The following MYDGF variants were observed in gnomAD, a reference collection of about 807,000 sequenced individuals.
The protein encoded by MYDGF is myeloid-derived growth factor.
MYDGF carries 29 observed loss-of-function variants against 24.2 expected under a neutral mutation model. The observed-to-expected ratio is 1.20, with a 90% confidence interval of 0.89 to 1.63. The LOEUF (loss-of-function observed/expected upper bound fraction) is 1.63. Ranked by LOEUF, MYDGF falls within the 40% of genes most tolerant of loss-of-function variation. The pLI is 0.00. For synonymous variants in MYDGF, 105 were observed against 102.5 expected, an observed-to-expected ratio of 1.02 and a Z score of -0.15; for missense variants, 245 against 234.8, an observed-to-expected ratio of 1.04 and a Z score of -0.29.
chr19:4,663,547 T>TGC lies in MYDGF; in HGVS notation c.287+1328_287+1329insGC, dbSNP rs1257494065. ...CTCATTCTACACAGCCTCCAATCTA[T>TGC]CCTCCCCACCCACCCCACCCTCATT... On this transcript the variant is annotated intron_variant, in intron 3 of 5. Coordinates refer to ENST00000262947, the MANE Select transcript of MYDGF (RefSeq NM_019107.4). Among the ~76,000 whole-genome samples the TGC allele has an allele frequency of 9.8e-4, 4 of 4,062 alleles. 1 individual carries two copies. Among genetic ancestry groups the TGC allele is most frequent in the African/African-American group, 1.2e-3 (1 of 858 alleles). 2.7% of individuals were successfully genotyped at this position (4,062 alleles called of 152,430 possible). A position where few individuals can be genotyped will look rare whatever the true frequency, so the allele number is the denominator to read the frequency against.
intron 5 of MYDGF, among the ~76,000 whole-genome samples, chr19:4,659,514 G>A (rs1471253983): frequency 3.3e-5 from 5 of 151,898 alleles, no homozygotes; most frequent in Admixed American, 1.3e-4. Flanking sequence ...GTGAGCCACC[G>A]CACCCAGCCT....
chr19:4,663,993 G>A (rs959921682), intron 3 of MYDGF, among the ~76,000 whole-genome samples: 1 of 151,736 alleles, frequency 6.6e-6, no homozygotes, highest in African/African-American at 2.4e-5. Flanking sequence ...GACTCAGCCA[G>A]GAAAAGAAAT....
chr19:4,670,131 T>C, intron 1 of MYDGF, 30 bp downstream of exon 1: 3 of 1,454,186 alleles, frequency 2.1e-6, no homozygotes, highest in South Asian at 1.4e-5. Context: ...CTGCCAGCAC[T>C]CAAATATCCG....
intron 3 of MYDGF, among the ~76,000 whole-genome samples, chr19:4,663,374 C>T (rs1425279514): frequency 1.4e-5 from 2 of 144,376 alleles, no homozygotes; most frequent in Non-Finnish European, 1.5e-5. Context: ...ATCTACTCTC[C>T]CCACCTACCC....
intron 2 of MYDGF, 45 bp from the exon 3 acceptor site, chr19:4,664,982 C>T (rs1256386309): frequency 4.4e-6 from 7 of 1,592,504 alleles, no homozygotes; most frequent in African/African-American, 2.7e-5. Context: ...CACACAGCTG[C>T]TCTCGGAGAC....
At chr19:4,666,921 C>T (rs2088525702) in intron 2 of MYDGF, among the ~76,000 whole-genome samples, 1 of 152,106 alleles carries the variant, frequency 6.6e-6, no homozygotes, top group Non-Finnish European at 1.5e-5. Context: ...GGGCTAGGCT[C>T]TTACTGGTAG....
intron 5 of MYDGF, among the ~76,000 whole-genome samples, chr19:4,658,303 C>T (rs532291834): frequency 6.6e-6 from 1 of 152,262 alleles, no homozygotes; most frequent in East Asian, 1.9e-4. Flanking sequence ...ACATAGATGG[C>T]AGGCAGCAGG....
At chr19:4,658,382 G>T (rs1239768804) in intron 5 of MYDGF, among the ~76,000 whole-genome samples, 1 of 152,184 alleles carries the variant, frequency 6.6e-6, no homozygotes, top group Admixed American at 6.5e-5. Flanking sequence ...AAGAGATGCA[G>T]AAAGGGGCCA....
At chr19:4,663,564 A>G (rs1382705300) in intron 3 of MYDGF, among the ~76,000 whole-genome samples, 2 of 1,688 alleles carry the variant, frequency 1.2e-3, no homozygotes, top group Admixed American at 8.5e-3. Flanking sequence ...CACCCACCCC[A>G]CCCTCATTCT....
chr19:4,669,957 T>C lies in MYDGF; in HGVS notation c.174+204A>G, dbSNP rs983300394. 7.9e-5 allele frequency among the ~76,000 whole-genome samples: 12 copies of C among 151,440 alleles called. No homozygotes were observed. The East Asian group carries it at 2.3e-3, about 30-fold the overall frequency. On this transcript the variant is annotated intron_variant, in intron 1 of 5. Coordinates refer to ENST00000262947, the MANE Select transcript of MYDGF (RefSeq NM_019107.4). Reference sequence around the variant, plus strand: ...CCGGGGCCCACAAGGCCCCGCTCCCTATGAGTTCAGTCCTGCCCCAGTGAT... The same window carrying C: ...CCGGGGCCCACAAGGCCCCGCTCCCCATGAGTTCAGTCCTGCCCCAGTGAT...
At chr19:4,669,451 A>AAAC (rs747304109) in intron 1 of MYDGF, among the ~76,000 whole-genome samples, 8 of 152,090 alleles carry the variant, frequency 5.3e-5, no homozygotes, top group Non-Finnish European at 7.4e-5. Context: ...GCTCCATCTC[A>AAAC]AACAACAACA....
chr19:4,661,533 G>C (rs573097175), intron 3 of MYDGF, among the ~76,000 whole-genome samples: 1 of 152,264 alleles, frequency 6.6e-6, no homozygotes, highest in African/African-American at 2.4e-5. Flanking sequence ...GCTGCTAACG[G>C]AGGCTTCTAA....
intron 5 of MYDGF, 145 bp downstream of exon 5, chr19:4,659,786 A>C: frequency 1.4e-6 from 1 of 720,326 alleles, no homozygotes. Context: ...GATATTGACG[A>C]GGTGGCCTTT....
intron 3 of MYDGF, among the ~76,000 whole-genome samples, chr19:4,664,451 C>T (rs1221567375): frequency 6.7e-6 from 1 of 148,758 alleles, no homozygotes; most frequent in African/African-American, 2.5e-5. Context: ...GATTGCTCCA[C>T]TGCACTACAG....
chr19:4,668,748 G>A lies in MYDGF; in HGVS notation c.175-103C>T, dbSNP rs895338117. 7 of 938,782 alleles carry A rather than the reference G, an allele frequency of 7.5e-6. No individual in the cohort carries two copies. The African/African-American group carries it at 9.8e-5, about 13-fold the overall frequency. The allele number at this position is 938,782 out of a possible 1,614,324, so 58.2% of individuals were successfully genotyped here. A position where few individuals can be genotyped will look rare whatever the true frequency, so the allele number is the denominator to read the frequency against. On this transcript the variant is annotated intron_variant, in intron 1 of 5. Transcript: ENST00000262947. The stretch of plus-strand genomic sequence containing the variant: ...CCAAGCTGGAGTGCAGGGGCACAAT[G>A]ACAGCTCACTGCAGCCTCGAACTCC...
Position 4,668,681 on chromosome 19 carries a change from G to A in MYDGF, c.175-36C>T, listed in dbSNP as rs778765793. 2.8e-5 allele frequency: 44 copies of A among 1,583,036 alleles called. No homozygotes were observed. In the Admixed American group the frequency reaches 7.0e-4, roughly 25 times the overall value. On this transcript the variant is annotated intron_variant, in intron 1 of 5. Transcript: ENST00000262947. ...GAAGGAAAAAAAAGGTTTGGTAGAA[G>A]GAAATTTTTATTTTGTTTAAGAGAC... is the stretch of plus-strand genomic sequence containing the variant.
chr19:4,658,643 A>T (rs556777746), intron 5 of MYDGF, among the ~76,000 whole-genome samples: 3 of 152,080 alleles, frequency 2.0e-5, no homozygotes, highest in Non-Finnish European at 4.4e-5. Flanking sequence ...GGCGCCATGC[A>T]GCTGAATGTG....
Position 4,658,082 on chromosome 19 carries a change from CCA to C in MYDGF, c.443_444del (p.Val148GlyfsTer10). 6.2e-7 allele frequency: 1 copy of C among 1,609,288 alleles called. No homozygotes were observed. The highest frequency in any genetic ancestry group is 8.5e-7 in the Non-Finnish European group (1 of 1,178,262). On this transcript the variant is annotated frameshift_variant and splice_region_variant, in exon 6 of 6. Coordinates refer to ENST00000262947, the MANE Select transcript of MYDGF (RefSeq NM_019107.4). LOFTEE classifies it high-confidence loss of function. ...GCTTTGAATGCCCCGGGCCTGTGAG[CCA>C]CTGCAAGAAAGAAACACATGGTTGG... ...TEEFEVTKTA[V>X]AHRPGAFKAE...
chr19:4,670,064 C>A (rs1328907874), intron 1 of MYDGF, 97 bp downstream of exon 1: 3 of 1,292,732 alleles, frequency 2.3e-6, no homozygotes, highest in Non-Finnish European at 3.0e-6. Flanking sequence ...CCCACCTCCG[C>A]GGTCCGCGCC....
Sources: gnomAD v4.1 joint callset for allele counts (sites outside exome capture counted in the v4.1 genomes callset) on GRCh38, gnomAD v4.1.1 for gene constraint, MANE v1.5 for transcripts, NCBI Gene and HGNC (gene_info 2026-07-23, HGNC 2026-07-21) for gene names.